The following STX18 variants were observed in gnomAD, a reference collection of about 807,000 sequenced individuals.
STX18 encodes the protein syntaxin 18.
STX18 carries 40 observed loss-of-function variants against 50.1 expected under a neutral mutation model. That is an observed-to-expected ratio of 0.80 (90% CI 0.62 to 1.04). The LOEUF (loss-of-function observed/expected upper bound fraction) is 1.04, where lower values mean the gene tolerates loss of function less well. Ranked by LOEUF, STX18 falls within the 50% of genes least tolerant of loss-of-function variation. The probability of loss-of-function intolerance (pLI) is 0.00; values close to 1 mark genes in which losing one functional copy is unlikely to be tolerated. For missense variants in STX18, 410 were observed against 415.8 expected (o/e 0.99, Z 0.12); for synonymous variants, 158 against 151.8 (o/e 1.04, Z -0.30).
intron 5 of STX18, among the ~76,000 whole-genome samples, chr4:4,444,289 T>G (rs970888180): frequency 2.0e-5 from 3 of 152,200 alleles, no homozygotes; most frequent in Non-Finnish European, 2.9e-5. Context: ...GTTTGTTGGC[T>G]CGGGGTCTCT....
At chr4:4,464,065 C>G (rs1727506985) in intron 2 of STX18, among the ~76,000 whole-genome samples, 1 of 152,112 alleles carries the variant, frequency 6.6e-6, no homozygotes, top group Admixed American at 6.5e-5. Context: ...TATTCTCTAT[C>G]TTTGTGACAG....
chr4:4,522,349 G>A (rs984430183), intron 1 of STX18, among the ~76,000 whole-genome samples: 23 of 152,166 alleles, frequency 1.5e-4, no homozygotes, highest in Non-Finnish European at 2.9e-4. Flanking sequence ...ACGTAATGGA[G>A]TAATAGACTA....
chr4:4,424,381 G>T (rs926383955), intron 8 of STX18, among the ~76,000 whole-genome samples: 1 of 152,106 alleles, frequency 6.6e-6, no homozygotes, highest in Non-Finnish European at 1.5e-5. Context: ...ACAGTGGCAG[G>T]GGGCAGGGGA....
chr4:4,538,112 A>C (rs940562531), intron 1 of STX18, among the ~76,000 whole-genome samples: 2 of 151,850 alleles, frequency 1.3e-5, no homozygotes, highest in Admixed American at 6.6e-5. Flanking sequence ...GAAAAAAAAA[A>C]AAACCACAAA....
At chr4:4,500,924 C>T (rs1178784360) in intron 1 of STX18, among the ~76,000 whole-genome samples, 1 of 152,106 alleles carries the variant, frequency 6.6e-6, no homozygotes, top group Non-Finnish European at 1.5e-5. Context: ...ATACCCTCAG[C>T]TACTCGGGAG....
At chr4:4,503,136 A>C (rs567275072) in intron 1 of STX18, among the ~76,000 whole-genome samples, 1 of 152,180 alleles carries the variant, frequency 6.6e-6, no homozygotes, top group Non-Finnish European at 1.5e-5. Context: ...TCGGCATGTA[A>C]TTCAGAGGAA....
chr4:4,477,285 C>T (rs549116462), intron 1 of STX18, among the ~76,000 whole-genome samples: 57 of 152,246 alleles, frequency 3.7e-4, no homozygotes, highest in African/African-American at 1.4e-3. Context: ...GTAGTACTTT[C>T]TTCTTTTAAC....
intron 2 of STX18, chr4:4,461,926 G>A (rs747583202): frequency 3.9e-5 from 18 of 456,108 alleles, no homozygotes; most frequent in Admixed American, 1.9e-4. Flanking sequence ...CAGAGGTTCC[G>A]CTCTGTTCCT....
intron 5 of STX18, among the ~76,000 whole-genome samples, chr4:4,453,121 G>A (rs890795821): frequency 2.0e-5 from 3 of 152,208 alleles, no homozygotes; most frequent in African/African-American, 7.2e-5. Context: ...GAACATTGTT[G>A]AAATAACAAG....
intron 1 of STX18, among the ~76,000 whole-genome samples, chr4:4,500,275 C>G (rs1440922052): frequency 6.6e-6 from 1 of 152,176 alleles, no homozygotes; most frequent in East Asian, 1.9e-4. Context: ...TAACTTGACC[C>G]TGTGTATCCA....
At chr4:4,471,454 T>C (rs1486640292) in intron 2 of STX18, among the ~76,000 whole-genome samples, 185 bp downstream of exon 2, 1 of 152,250 alleles carries the variant, frequency 6.6e-6, no homozygotes, top group African/African-American at 2.4e-5. Context: ...TGTGATTTCA[T>C]GACTTTGAGG....
At chr4:4,476,241 T>C (rs1456418179) in intron 1 of STX18, 2 of 151,940 alleles carry the variant, frequency 1.3e-5, no homozygotes, top group African/African-American at 2.4e-5. Flanking sequence ...GGACAAAGAA[T>C]AGAGAATTCT....
chr4:4,460,018 A>G (rs1727295277), intron 2 of STX18, among the ~76,000 whole-genome samples: 1 of 152,140 alleles, frequency 6.6e-6, no homozygotes, highest in South Asian at 2.1e-4. Context: ...TTGCCCTCTT[A>G]ATGAGGCCTT....
chr4:4,503,104 C>T (rs139947119), intron 1 of STX18, among the ~76,000 whole-genome samples: 36 of 152,222 alleles, frequency 2.4e-4, no homozygotes, highest in African/African-American at 7.2e-4. Flanking sequence ...TGGCAGGTCA[C>T]TAAAAAAAGT....
chr4:4,528,188 G>T (rs896411559), intron 1 of STX18, among the ~76,000 whole-genome samples: 25 of 152,178 alleles, frequency 1.6e-4, no homozygotes, highest in Non-Finnish European at 1.2e-4. Flanking sequence ...TCCTGCTGGA[G>T]CCTCCCATTA....
At chr4:4,471,260 A>T (rs1443180340) in intron 2 of STX18, among the ~76,000 whole-genome samples, 1 of 152,214 alleles carries the variant, frequency 6.6e-6, no homozygotes, top group African/African-American at 2.4e-5. Context: ...ACAGACTGGG[A>T]CCGCAAGAGA....
chr4:4,430,996 C>G (rs961956894), intron 7 of STX18, among the ~76,000 whole-genome samples: 2 of 152,142 alleles, frequency 1.3e-5, no homozygotes, highest in African/African-American at 4.8e-5. Context: ...TACGAATATC[C>G]TCACTGCTAG....
At chr4:4,458,235 T>G (rs896197858) in intron 3 of STX18, among the ~76,000 whole-genome samples, 1 of 152,198 alleles carries the variant, frequency 6.6e-6, no homozygotes, top group African/African-American at 2.4e-5. Context: ...AGCCCAAGGT[T>G]AGATGGTTTC....
At chr4:4,501,948 G>C (rs191114510) in intron 1 of STX18, among the ~76,000 whole-genome samples, 2 of 152,248 alleles carry the variant, frequency 1.3e-5, no homozygotes, top group East Asian at 3.9e-4. Flanking sequence ...GAGAAGTATA[G>C]CATTTTAAAA....
Sources: gnomAD v4.1 joint callset for allele counts (sites outside exome capture counted in the v4.1 genomes callset) on GRCh38, gnomAD v4.1.1 for gene constraint, MANE v1.5 for transcripts, NCBI Gene and HGNC (gene_info 2026-07-23, HGNC 2026-07-21) for gene names.